NCOA5: variants seen among roughly 807,000 people sequenced by gnomAD.
NCOA5 encodes the protein nuclear receptor coactivator 5.
In NCOA5, 12 loss-of-function variants were observed where a neutral mutation model predicts 59.0. The observed-to-expected ratio is 0.20, with a 90% CI of 0.13 to 0.33. The LOEUF (loss-of-function observed/expected upper bound fraction) is 0.33, where lower values mean the gene tolerates loss of function less well. Among genes scored for constraint, NCOA5 ranks in the 10% least tolerant of loss-of-function variants. NCOA5 has a pLI of 1.00. For missense variants in NCOA5, 655 were observed against 766.6 expected (o/e 0.85, Z 1.72); for synonymous variants, 270 against 275.5 (o/e 0.98, Z 0.20).
chr20:46,069,527 G>A (rs899912571), intron 3 of NCOA5, among the ~76,000 whole-genome samples: 1 of 152,134 alleles, frequency 6.6e-6, no homozygotes, highest in African/African-American at 2.4e-5. Context: ...CTTGAGCTCA[G>A]GAGTTCAAGA....
rs1436428927 is a variant in NCOA5, at chr20:46,063,479, C to T, written c.1031G>A (p.Ser344Asn). Residue 344 changes from serine to asparagine, a missense_variant, in exon 7 of 8, where the codon AGC becomes AAC. Ser to Asn is a conservative substitution (Grantham distance 46, BLOSUM62 1). Coordinates refer to ENST00000290231, the MANE Select transcript of NCOA5 (RefSeq NM_020967.3). ...VRGGHPPAIQSLINLLADNRY... is the reference protein window; with the variant it reads ...VRGGHPPAIQNLINLLADNRY... ...GTTGTCTGCCAGCAGGTTGATGAGG[C>T]TCTGGATGGCTGGAGGGTGGCCCCC... 2.5e-6 allele frequency: 4 copies of T among 1,614,204 alleles called. No individual in the cohort carries two copies. Among genetic ancestry groups the T allele is most frequent in the East Asian group, 2.2e-5 (1 of 44,880 alleles).
intron 1 of NCOA5, among the ~76,000 whole-genome samples, chr20:46,084,657 T>G (rs1169888755): frequency 2.0e-5 from 3 of 152,202 alleles, no homozygotes; most frequent in Non-Finnish European, 2.9e-5. Flanking sequence ...TTTGGGAAAT[T>G]TACTCCAGTC....
chr20:46,085,011 G>C (rs1417076547), intron 1 of NCOA5, among the ~76,000 whole-genome samples: 2 of 152,158 alleles, frequency 1.3e-5, no homozygotes, highest in Admixed American at 1.3e-4. Context: ...AAATGACACA[G>C]CTAAAGTCCT....
intron 2 of NCOA5, among the ~76,000 whole-genome samples, chr20:46,073,828 C>T (rs1008187876): frequency 3.9e-5 from 6 of 152,182 alleles, no homozygotes; most frequent in Non-Finnish European, 8.8e-5. Flanking sequence ...TGTCAAAGTC[C>T]ATCCCTGCAA....
intron 2 of NCOA5, among the ~76,000 whole-genome samples, chr20:46,071,359 C>G (rs2084881074): frequency 6.6e-6 from 1 of 152,162 alleles, no homozygotes; most frequent in Non-Finnish European, 1.5e-5. Context: ...TTCCACTTAT[C>G]AAGTTTTAAG....
intron 2 of NCOA5, 59 bp downstream of exon 2, chr20:46,079,328 G>T: frequency 1.3e-6 from 2 of 1,554,212 alleles, no homozygotes; most frequent in South Asian, 1.1e-5. Context: ...TACGAAGCTG[G>T]GCTTAACTCC....
In NCOA5 at chr20:46,069,738, A is replaced by G. The variant is rs546871207; in HGVS notation, c.365+472T>C. Among the ~76,000 whole-genome samples, 1,146 of 152,148 alleles carry G rather than the reference A, an allele frequency of 7.5e-3. 5 individuals are homozygous for G. The highest frequency in any genetic ancestry group is 0.014 in the Middle Eastern group (4 of 294). On this transcript the variant is annotated intron_variant, in intron 3 of 7. Transcript: ENST00000290231. ...AGAATGACACCTTGTCTCAAAGAAA[A>G]AAAAAAAAAATCCATTAATCTGCTG...
chr20:46,082,306 TAGAG>T (rs1353293246), intron 1 of NCOA5, among the ~76,000 whole-genome samples: 1 of 152,072 alleles, frequency 6.6e-6, no homozygotes. Context: ...TAAATCCTTA[TAGAG>T]AGATATAATC....
chr20:46,087,108 A>G (rs1027715359), intron 1 of NCOA5, among the ~76,000 whole-genome samples: 32 of 152,228 alleles, frequency 2.1e-4, no homozygotes, highest in African/African-American at 7.7e-4. Context: ...TCATAAGATG[A>G]CGGGCAGGAG....
chr20:46,088,360 G>A (rs1400111372), intron 1 of NCOA5, among the ~76,000 whole-genome samples: 2 of 152,338 alleles, frequency 1.3e-5, no homozygotes, highest in South Asian at 2.1e-4. Flanking sequence ...TGAGCTCAAA[G>A]AAAGGCAAAG....
At chr20:46,075,693 T>C (rs2084930774) in intron 2 of NCOA5, among the ~76,000 whole-genome samples, 1 of 152,224 alleles carries the variant, frequency 6.6e-6, no homozygotes. Flanking sequence ...TGTCAAGGTG[T>C]TGAGCTGAAG....
Position 46,062,256 on chromosome 20 carries a change from A to C in NCOA5, c.*44T>G, listed in dbSNP as rs758902287. On this transcript the variant is annotated 3_prime_UTR_variant, in exon 8 of 8. Coordinates refer to ENST00000290231, the MANE Select transcript of NCOA5 (RefSeq NM_020967.3). Reference sequence around the variant, plus strand: ...CTATTTAGAACAAGTAAGTGGGAGGAGGCCAGGGGATGAGGGGACTGGGGA... The same window carrying C: ...CTATTTAGAACAAGTAAGTGGGAGGCGGCCAGGGGATGAGGGGACTGGGGA... 3.0e-5 allele frequency: 44 copies of C among 1,471,384 alleles called. No homozygotes were observed. The highest frequency in any genetic ancestry group is 1.8e-4 in the Middle Eastern group (1 of 5,428). 91.1% of individuals were successfully genotyped at this position (1,471,384 alleles called of 1,614,324 possible). A position where few individuals can be genotyped will look rare whatever the true frequency, so the allele number is the denominator to read the frequency against.
chr20:46,072,584 T>C (rs943365896), intron 2 of NCOA5, among the ~76,000 whole-genome samples: 4 of 152,312 alleles, frequency 2.6e-5, no homozygotes, highest in African/African-American at 9.6e-5. Context: ...TCTCTAACCC[T>C]GTCACACCCT....
chr20:46,062,082 C>CA lies in NCOA5; in HGVS notation c.*217dup, dbSNP rs988140404. ...CCGGAGATATTTATTTTCTACAAAA[C>CA]AAAAAACAAAAAAAGATACAGCCCC... is the stretch of plus-strand genomic sequence containing the variant. On this transcript the variant is annotated 3_prime_UTR_variant, in exon 8 of 8. Coordinates refer to ENST00000290231, the MANE Select transcript of NCOA5 (RefSeq NM_020967.3). 9 of 461,472 alleles carry CA rather than the reference C, an allele frequency of 2.0e-5. No homozygotes were observed. The highest frequency in any genetic ancestry group is 5.8e-5 in the African/African-American group (3 of 51,516). 28.6% of individuals were successfully genotyped at this position (461,472 alleles called of 1,614,324 possible).
rs749166285 is a variant in NCOA5, at chr20:46,079,437, C to T, written c.-13G>A. ...GAGCCGTATTCATATTTCTTCTTTC[C>T]GCTGCCTTATTAATATCTGAAAAGA... On this transcript the variant is annotated 5_prime_UTR_variant, in exon 2 of 8. Coordinates refer to ENST00000290231, the MANE Select transcript of NCOA5 (RefSeq NM_020967.3). The T allele has an allele frequency of 1.2e-5, 20 of 1,613,576 alleles. No individual in the cohort carries two copies. The highest frequency in any genetic ancestry group is 8.9e-5 in the East Asian group (4 of 44,892).
At chr20:46,087,147 A>G (rs1600636905) in intron 1 of NCOA5, among the ~76,000 whole-genome samples, 1 of 152,354 alleles carries the variant, frequency 6.6e-6, no homozygotes, top group African/African-American at 2.4e-5. Flanking sequence ...CATATGCACT[A>G]CTGGCTGTAT....
At chr20:46,089,248 G>C (rs953202688) in intron 1 of NCOA5, among the ~76,000 whole-genome samples, 1 of 152,150 alleles carries the variant, frequency 6.6e-6, no homozygotes, top group Non-Finnish European at 1.5e-5. Context: ...TGGGCCCGAG[G>C]TCCGCGCCTA....
At chr20:46,087,814 T>A (rs2085059668) in intron 1 of NCOA5, among the ~76,000 whole-genome samples, 2 of 152,188 alleles carry the variant, frequency 1.3e-5, no homozygotes, top group South Asian at 4.1e-4. Flanking sequence ...TAGATGAGTT[T>A]CCATTTGCTG....
chr20:46,065,357 A>G (rs1294373416), intron 5 of NCOA5, 129 bp from the exon 6 acceptor site: 1 of 845,730 alleles, frequency 1.2e-6, no homozygotes, highest in Non-Finnish European at 1.9e-6. Flanking sequence ...TCAGGATCCA[A>G]GTATCTAGAC....
Sources: gnomAD v4.1 joint callset for allele counts (sites outside exome capture counted in the v4.1 genomes callset) on GRCh38, gnomAD v4.1.1 for gene constraint, MANE v1.5 for transcripts, NCBI Gene and HGNC (gene_info 2026-07-23, HGNC 2026-07-21) for gene names.